The following BMPER variants were observed in gnomAD, a reference collection of about 807,000 sequenced individuals.
BMPER encodes the protein BMP binding endothelial regulator.
Under a neutral mutation model 87.3 loss-of-function variants are expected in BMPER, and 45 were observed. That is an observed-to-expected ratio of 0.52 (90% CI 0.41 to 0.66). The LOEUF (loss-of-function observed/expected upper bound fraction) is 0.66. Ranked by LOEUF, BMPER falls within the 30% of genes least tolerant of loss-of-function variation. The pLI, the probability that BMPER is intolerant of heterozygous loss-of-function variation, is 0.00. For synonymous variants in BMPER, 326 were observed against 316.2 expected (o/e 1.03, Z -0.33); for missense variants, 784 against 867.5 (o/e 0.90, Z 1.21).
chr7:34,067,507 G>A (rs1024785210), intron 11 of BMPER, among the ~76,000 whole-genome samples: 1 of 152,078 alleles, frequency 6.6e-6, no homozygotes, highest in African/African-American at 2.4e-5. Flanking sequence ...TGGCCTCCAG[G>A]GCTGTAAGCA....
At chr7:34,047,155 C>T (rs1787996413) in intron 7 of BMPER, among the ~76,000 whole-genome samples, 1 of 152,136 alleles carries the variant, frequency 6.6e-6, no homozygotes, top group Admixed American at 6.5e-5. Flanking sequence ...TCCCTGGTGT[C>T]ACAAGAGGGC....
chr7:33,986,651 G>A (rs1387106838), intron 6 of BMPER, among the ~76,000 whole-genome samples: 1 of 152,144 alleles, frequency 6.6e-6, no homozygotes, highest in Non-Finnish European at 1.5e-5. Flanking sequence ...AAGAGTAGCT[G>A]TGTGAAGAGG....
At chr7:33,923,470 A>G (rs1395000924) in intron 2 of BMPER, among the ~76,000 whole-genome samples, 1 of 152,118 alleles carries the variant, frequency 6.6e-6, no homozygotes, top group Non-Finnish European at 1.5e-5. Context: ...CTTAAGTCAA[A>G]TCAGATTTCC....
chr7:34,035,515 AGT>A (rs1787639629), intron 6 of BMPER, among the ~76,000 whole-genome samples: 1 of 152,204 alleles, frequency 6.6e-6, no homozygotes, highest in Admixed American at 6.5e-5. Context: ...AAGACTTCTA[AGT>A]ATAATTTTGT....
At chr7:34,067,973 A>C (rs954552313) in intron 11 of BMPER, among the ~76,000 whole-genome samples, 1 of 152,222 alleles carries the variant, frequency 6.6e-6, no homozygotes. Context: ...GTTAGTACTC[A>C]GTAAGTCCTT....
intron 6 of BMPER, among the ~76,000 whole-genome samples, chr7:34,021,574 A>G (rs941784283): frequency 6.6e-6 from 1 of 152,020 alleles, no homozygotes; most frequent in African/African-American, 2.4e-5. Flanking sequence ...CTTGAACTGG[A>G]ACCAAAGTCT....
Position 34,071,815 on chromosome 7 carries a change from T to A in BMPER, c.1079-7042T>A, listed in dbSNP as rs117425189. Among the ~76,000 whole-genome samples, 44 of 152,290 alleles carry A rather than the reference T, an allele frequency of 2.9e-4. No homozygotes were observed. In the East Asian group the frequency reaches 8.3e-3, roughly 29 times the overall value. On this transcript the variant is annotated intron_variant, in intron 11 of 14. Coordinates refer to ENST00000649409, the MANE Select transcript of BMPER (RefSeq NM_001365308.1). ...AATAGAAACACATTAAATAAGAGAA[T>A]CATATATTATTGTTTATAATTAGCT...
At chr7:33,989,072 A>G (rs1786110153) in intron 6 of BMPER, among the ~76,000 whole-genome samples, 1 of 132,796 alleles carries the variant, frequency 7.5e-6, no homozygotes, top group South Asian at 2.6e-4. Context: ...GCCGCAATAA[A>G]CATACGTGTG....
chr7:34,048,094 G>A (rs988123907), intron 7 of BMPER, among the ~76,000 whole-genome samples: 8 of 151,924 alleles, frequency 5.3e-5, no homozygotes, highest in African/African-American at 1.4e-4. Context: ...TAATGCCCAC[G>A]CCTTTTTCTT....
chr7:34,079,109 G>T lies in BMPER; in HGVS notation c.1331G>T (p.Arg444Leu). ...QHLTVRWNGS[R>L]IALPCRAPHF... Reference sequence around the variant, plus strand: ...CTCACCGTGCGCTGGAACGGCTCGCGCATCGCGCTCCCCTGCCGCGCGCCA... The same window carrying T: ...CTCACCGTGCGCTGGAACGGCTCGCTCATCGCGCTCCCCTGCCGCGCGCCA... Residue 444 changes from arginine (R) to leucine (L), a missense_variant, in exon 12 of 15, where the codon CGC becomes CTC. Transcript: ENST00000649409. 3 of 1,613,410 alleles carry T rather than the reference G, an allele frequency of 1.9e-6. No homozygotes were observed. The East Asian group carries it at 6.7e-5, about 36-fold the overall frequency.
At chr7:34,083,793 C>T (rs1789119966) in intron 12 of BMPER, among the ~76,000 whole-genome samples, 1 of 152,092 alleles carries the variant, frequency 6.6e-6, no homozygotes, top group Non-Finnish European at 1.5e-5. Flanking sequence ...CTCTCTCTCT[C>T]TCTCTCCTTC....
At chr7:34,117,029 CTTAAGTCACTCTTTCTCCTTAATGGGTAT>C (rs561770511) in intron 13 of BMPER, among the ~76,000 whole-genome samples, 2 of 151,726 alleles carry the variant, frequency 1.3e-5, no homozygotes, top group South Asian at 4.2e-4. Context: ...GATTGGGATT[CTTAAGTCACTCTTTCTCCTTAATGGGTAT>C]TATTATTGGT....
At chr7:34,147,636 A>G (rs375192365) in intron 14 of BMPER, among the ~76,000 whole-genome samples, 1 of 151,978 alleles carries the variant, frequency 6.6e-6, no homozygotes, top group Non-Finnish European at 1.5e-5. Flanking sequence ...ACGCTTGGCT[A>G]ATTTTGTATT....
chr7:34,009,498 T>A (rs1786822376), intron 6 of BMPER, among the ~76,000 whole-genome samples: 1 of 151,942 alleles, frequency 6.6e-6, no homozygotes, highest in Non-Finnish European at 1.5e-5. Context: ...TTGGCCTTAT[T>A]GTCCACCTCA....
chr7:33,910,635 T>C (rs1272469902), intron 2 of BMPER, among the ~76,000 whole-genome samples: 1 of 152,240 alleles, frequency 6.6e-6, no homozygotes, highest in Non-Finnish European at 1.5e-5. Context: ...TGAAATTTCC[T>C]CTTTAAAATC....
At position 33,949,338 on chromosome 7, in the gene BMPER, AC is replaced by A. The variant is rs1784964972; in HGVS notation, c.319+11951del. ...TACAGTAAAAGTAAGTTTCCCTCCC[AC>A]TCTTAACCCCAGCGACTTTGTCCTG... On this transcript the variant is annotated intron_variant, in intron 3 of 14. Coordinates refer to ENST00000649409, the MANE Select transcript of BMPER (RefSeq NM_001365308.1). Among the ~76,000 whole-genome samples the A allele has an allele frequency of 2.0e-5, 3 of 151,866 alleles. No homozygotes were observed. In the South Asian group the frequency reaches 6.3e-4, roughly 32 times the overall value.
chr7:33,932,603 T>G (rs1784508673), intron 2 of BMPER, among the ~76,000 whole-genome samples: 1 of 152,176 alleles, frequency 6.6e-6, no homozygotes, highest in African/African-American at 2.4e-5. Flanking sequence ...ATTTTCACTC[T>G]TATTTCAAGA....
At chr7:34,024,381 AAC>A (rs1562695139) in intron 6 of BMPER, among the ~76,000 whole-genome samples, 8 of 65,950 alleles carry the variant, frequency 1.2e-4, no homozygotes, top group African/African-American at 5.7e-4. Context: ...AAAAAAAAAA[AAC>A]AATATATATA....
chr7:34,116,154 T>TAA (rs1366305760), intron 13 of BMPER, among the ~76,000 whole-genome samples: 1 of 152,120 alleles, frequency 6.6e-6, no homozygotes, highest in Non-Finnish European at 1.5e-5. Context: ...AAGAATGAGA[T>TAA]AAAAAAATGG....
Sources: allele counts gnomAD v4.1 joint callset (sites outside exome capture counted in the v4.1 genomes callset), GRCh38; gene constraint gnomAD v4.1.1; transcripts MANE v1.5; gene names NCBI Gene and HGNC (gene_info 2026-07-23, HGNC 2026-07-21).